The following PHKB variants were observed in gnomAD, a reference collection of about 807,000 sequenced individuals.
PHKB encodes phosphorylase kinase regulatory subunit beta.
A neutral mutation model predicts 152.1 loss-of-function variants in PHKB; 122 were observed. That is an observed-to-expected ratio of 0.80 (90% CI 0.69 to 0.93). PHKB has a LOEUF of 0.93. Ranked by LOEUF, PHKB falls within the 40% of genes least tolerant of loss-of-function variation. The pLI is 0.00. For missense variants in PHKB, 1,304 were observed against 1,328.4 expected (o/e 0.98, Z 0.29); for synonymous variants, 436 against 464.9 (o/e 0.94, Z 0.80).
At chr16:47,604,930 T>G (rs1972296446) in intron 13 of PHKB, among the ~76,000 whole-genome samples, 1 of 152,202 alleles carries the variant, frequency 6.6e-6, no homozygotes, top group Non-Finnish European at 1.5e-5. Flanking sequence ...TTATTTTCAT[T>G]TGAAATATTC....
At position 47,660,694 on chromosome 16, in the gene PHKB, C is replaced by T. The variant is rs756587939; in HGVS notation, c.2071C>T (p.Pro691Ser). The T allele has an allele frequency of 1.2e-6, 2 of 1,614,106 alleles. No homozygotes were observed. The highest frequency in any genetic ancestry group is 2.2e-5 in the South Asian group (2 of 91,088). ...EFKSFEELEP[P>S]KHSKVKRQSS... is the part of the protein sequence containing the mutation. ...TAAGAGTTTTGAGGAACTAGAACCT[C>T]CCAAACATTCAAAAGTCAAACGGCA... Residue 691 changes from proline to serine, a missense_variant, in exon 22 of 31, where the codon CCC (proline) becomes TCC (serine). Coordinates refer to ENST00000323584, the MANE Select transcript of PHKB (RefSeq NM_000293.3).
chr16:47,461,884 T>C (rs796452929), intron 1 of PHKB, among the ~76,000 whole-genome samples: 2 of 152,216 alleles, frequency 1.3e-5, no homozygotes, highest in East Asian at 3.8e-4. Context: ...TTATGTCTTA[T>C]ATCCCTTTTA....
chr16:47,488,938 T>C (rs1400857511), intron 1 of PHKB, among the ~76,000 whole-genome samples: 1 of 152,254 alleles, frequency 6.6e-6, no homozygotes, highest in Non-Finnish European at 1.5e-5. Context: ...TCTCTTTTGG[T>C]TCCATATGAA....
chr16:47,565,128 A>G, intron 7 of PHKB: 1 of 523,856 alleles, frequency 1.9e-6, no homozygotes, highest in Non-Finnish European at 3.8e-6. Context: ...CCATCAACGG[A>G]GACAGCAGCA....
At chr16:47,508,333 C>T (rs749926272) in intron 4 of PHKB, among the ~76,000 whole-genome samples, 10 of 152,128 alleles carry the variant, frequency 6.6e-5, no homozygotes, top group African/African-American at 1.4e-4. Flanking sequence ...ATAATTCTGC[C>T]TACAGAGAGG....
intron 1 of PHKB, among the ~76,000 whole-genome samples, chr16:47,486,060 A>G (rs139938540): frequency 9.2e-5 from 14 of 152,216 alleles, no homozygotes; most frequent in African/African-American, 3.1e-4. Flanking sequence ...ATTTATTGTC[A>G]CCTACCATGT....
chr16:47,464,882 A>G lies in PHKB; in HGVS notation c.76+3456A>G, dbSNP rs138817671. On this transcript the variant is annotated intron_variant, in intron 1 of 30. Transcript: ENST00000323584. Reference sequence around the variant, plus strand: ...TTTTCTATAATGCCTCTTAAGCAGAATATTTCAAGCCTCAGGACTCATGAA... The same window carrying G: ...TTTTCTATAATGCCTCTTAAGCAGAGTATTTCAAGCCTCAGGACTCATGAA... Among the ~76,000 whole-genome samples, 21 of 152,334 alleles carry G rather than the reference A, an allele frequency of 1.4e-4. No homozygotes were observed. The East Asian group carries it at 2.3e-3, about 17-fold the overall frequency.
chr16:47,573,321 A>G (rs1190642842), intron 7 of PHKB, among the ~76,000 whole-genome samples: 2 of 152,196 alleles, frequency 1.3e-5, no homozygotes, highest in Non-Finnish European at 2.9e-5. Context: ...CTAGGGGCAT[A>G]GCCTGTGGGG....
intron 18 of PHKB, among the ~76,000 whole-genome samples, chr16:47,649,559 C>G (rs1422136270): frequency 6.6e-6 from 1 of 152,036 alleles, no homozygotes; most frequent in East Asian, 1.9e-4. Flanking sequence ...TGAAAAATAT[C>G]CAGTAAAACC....
chr16:47,557,282 A>C (rs1283603462), intron 7 of PHKB, among the ~76,000 whole-genome samples: 1 of 152,232 alleles, frequency 6.6e-6, no homozygotes, highest in Non-Finnish European at 1.5e-5. Context: ...TAAAAACCCT[A>C]GAAGAAAACC....
At position 47,511,698 on chromosome 16, in the gene PHKB, A is replaced by G. The variant is rs1256857045; in HGVS notation, c.439A>G (p.Thr147Ala). Residue 147 changes from threonine to alanine, a missense_variant, in exon 5 of 31, where the codon ACA becomes GCA. By Grantham distance (58) the Thr-to-Ala change is moderately conservative. Coordinates refer to ENST00000323584, the MANE Select transcript of PHKB (RefSeq NM_000293.3). ...QQFKQDPRPT[T>A]CLHSVFNVHT... ...GTTTAAGCAGGATCCACGCCCAACA[A>G]CATGTCTTCACTCTGTTTTCAATGT... 6 of 1,613,298 alleles carry G rather than the reference A, an allele frequency of 3.7e-6. No homozygotes were observed. The highest frequency in any genetic ancestry group is 2.2e-5 in the East Asian group (1 of 44,880).
chr16:47,538,734 C>G (rs1018572737), intron 6 of PHKB, among the ~76,000 whole-genome samples: 1 of 152,198 alleles, frequency 6.6e-6, no homozygotes, highest in African/African-American at 2.4e-5. Flanking sequence ...CCCTAGAAAA[C>G]AAGGAAGCAC....
chr16:47,616,308 C>T (rs1972513013), intron 14 of PHKB, among the ~76,000 whole-genome samples: 1 of 151,532 alleles, frequency 6.6e-6, no homozygotes, highest in South Asian at 2.1e-4. Flanking sequence ...AGTTTTAGCT[C>T]GTATACTTAG....
At chr16:47,672,108 T>C (rs1263149778) in intron 26 of PHKB, among the ~76,000 whole-genome samples, 1 of 152,192 alleles carries the variant, frequency 6.6e-6, no homozygotes, top group East Asian at 1.9e-4. Context: ...TTTAGCTTAT[T>C]ATTTTTAAGT....
chr16:47,646,770 A>G (rs2151729358), intron 16 of PHKB, among the ~76,000 whole-genome samples: 1 of 152,192 alleles, frequency 6.6e-6, no homozygotes, highest in African/African-American at 2.4e-5. Flanking sequence ...GACCAACCTC[A>G]CATTACATTT....
chr16:47,517,909 T>C (rs1454546402), intron 6 of PHKB, among the ~76,000 whole-genome samples: 4 of 152,200 alleles, frequency 2.6e-5, no homozygotes, highest in Non-Finnish European at 5.9e-5. Context: ...CACCATCTTT[T>C]TCCTTGAGAT....
chr16:47,660,715 C>A lies in PHKB; in HGVS notation c.2092C>A (p.Arg698=). ...LEPPKHSKVK[R]QSSTPSAPEL... is the part of the protein sequence containing the mutation. ...ACCTCCCAAACATTCAAAAGTCAAA[C>A]GGCAAAGCAGCACCCCTAGTGCTCC... Residue 698 remains arginine (R), a synonymous_variant, in exon 22 of 31, where the codon CGG becomes AGG. Coordinates refer to ENST00000323584, the MANE Select transcript of PHKB (RefSeq NM_000293.3). The A allele has an allele frequency of 6.2e-7, 1 of 1,614,012 alleles. No individual in the cohort carries two copies. Among genetic ancestry groups the A allele is most frequent in the Non-Finnish European group, 8.5e-7 (1 of 1,179,914 alleles).
chr16:47,610,687 T>A (rs989407644), intron 13 of PHKB, 139 bp from the exon 14 acceptor site: 37 of 687,206 alleles, frequency 5.4e-5, no homozygotes, highest in Admixed American at 1.0e-4. Flanking sequence ...GTATGTGGTA[T>A]ATCCTGGTGG....
At chr16:47,506,753 A>G (rs1314871123) in intron 4 of PHKB, among the ~76,000 whole-genome samples, 1 of 152,180 alleles carries the variant, frequency 6.6e-6, no homozygotes, top group Non-Finnish European at 1.5e-5. Flanking sequence ...GCCATATGGG[A>G]AGGAGAAGAA....
Sources: gnomAD v4.1 joint callset for allele counts (sites outside exome capture counted in the v4.1 genomes callset) on GRCh38, gnomAD v4.1.1 for gene constraint, MANE v1.5 for transcripts, NCBI Gene and HGNC (gene_info 2026-07-23, HGNC 2026-07-21) for gene names.